The following TRIM2 variants were observed in gnomAD, a reference collection of about 807,000 sequenced individuals.
TRIM2 encodes the protein tripartite motif-containing protein 2.
A neutral mutation model predicts 75.2 loss-of-function variants in TRIM2; 20 were observed. That is an observed-to-expected ratio of 0.27 (90% CI 0.19 to 0.39). The LOEUF (loss-of-function observed/expected upper bound fraction) is 0.39. TRIM2 is among the 10% of genes least tolerant of loss of function. The pLI, the probability that TRIM2 is intolerant of heterozygous loss-of-function variation, is 1.00. For missense variants in TRIM2, 660 were observed against 990.8 expected (o/e 0.67, Z 4.48); for synonymous variants, 373 against 388.3 (o/e 0.96, Z 0.46).
At chr4:153,213,606 C>A (rs940226790) in intron 1 of TRIM2, among the ~76,000 whole-genome samples, 2 of 152,196 alleles carry the variant, frequency 1.3e-5, no homozygotes, top group South Asian at 2.1e-4. Flanking sequence ...TGGCTCACTG[C>A]AACCTCTGCC....
intron 1 of TRIM2, among the ~76,000 whole-genome samples, chr4:153,170,285 C>G (rs1730713463): frequency 6.6e-6 from 1 of 152,150 alleles, no homozygotes; most frequent in African/African-American, 2.4e-5. Flanking sequence ...GTTACCATCT[C>G]TATCACCACT....
chr4:153,164,660 C>T (rs1400285231), intron 1 of TRIM2, among the ~76,000 whole-genome samples: 1 of 152,190 alleles, frequency 6.6e-6, no homozygotes, highest in Non-Finnish European at 1.5e-5. Flanking sequence ...CATATCCTTC[C>T]TGAAATGTCC....
chr4:153,281,712 C>T (rs1471061149), intron 3 of TRIM2, among the ~76,000 whole-genome samples: 4 of 152,224 alleles, frequency 2.6e-5, no homozygotes, highest in Non-Finnish European at 4.4e-5. Context: ...AGTGCTGTGA[C>T]ACTATCTGTC....
At chr4:153,272,883 A>C (rs1757053381) in intron 2 of TRIM2, among the ~76,000 whole-genome samples, 1 of 152,182 alleles carries the variant, frequency 6.6e-6, no homozygotes, top group Non-Finnish European at 1.5e-5. Context: ...CTCTGTCACC[A>C]GGCTGGAGTG....
chr4:153,177,119 C>A (rs773955774), intron 1 of TRIM2, among the ~76,000 whole-genome samples: 9 of 152,228 alleles, frequency 5.9e-5, no homozygotes, highest in Non-Finnish European at 1.0e-4. Flanking sequence ...CAGGAGCTAG[C>A]ATGGCTAAGT....
At chr4:153,245,490 C>T (rs1056927025) in intron 1 of TRIM2, among the ~76,000 whole-genome samples, 5 of 152,158 alleles carry the variant, frequency 3.3e-5, no homozygotes, top group African/African-American at 4.8e-5. Context: ...ATCTGGCCCA[C>T]GGCCTGTTTT....
intron 1 of TRIM2, among the ~76,000 whole-genome samples, chr4:153,246,769 C>T (rs749498658): frequency 7.9e-5 from 12 of 152,162 alleles, no homozygotes; most frequent in Non-Finnish European, 1.2e-4. Flanking sequence ...TGGCACTGGG[C>T]TCACCCTGAC....
chr4:153,252,853 G>C (rs1751195493), intron 1 of TRIM2, among the ~76,000 whole-genome samples: 1 of 152,206 alleles, frequency 6.6e-6, no homozygotes, highest in South Asian at 2.1e-4. Context: ...ATGAAGAATT[G>C]CCTATCCATA....
intron 1 of TRIM2, among the ~76,000 whole-genome samples, chr4:153,159,279 T>C (rs992506481): frequency 6.0e-5 from 9 of 150,992 alleles, no homozygotes; most frequent in South Asian, 4.2e-4. Context: ...TAGAAGTTCA[T>C]TGAGTTTTTA....
At chr4:153,210,471 C>G (rs1736679987) in intron 1 of TRIM2, among the ~76,000 whole-genome samples, 3 of 152,130 alleles carry the variant, frequency 2.0e-5, no homozygotes, top group Admixed American at 6.5e-5. Flanking sequence ...TTTCATGGGT[C>G]CCCAAATGTT....
chr4:153,301,562 C>T (rs1763930896), intron 6 of TRIM2, among the ~76,000 whole-genome samples: 1 of 152,146 alleles, frequency 6.6e-6, no homozygotes, highest in African/African-American at 2.4e-5. Context: ...AAAATCGTTG[C>T]CCAGAACAGT....
chr4:153,249,111 C>T (rs1296206829), intron 1 of TRIM2, among the ~76,000 whole-genome samples: 1 of 152,282 alleles, frequency 6.6e-6, no homozygotes, highest in African/African-American at 2.4e-5. Flanking sequence ...CTCTTCCCCA[C>T]ATCGCCACCA....
chr4:153,258,160 C>G (rs988202463), intron 1 of TRIM2, among the ~76,000 whole-genome samples: 1 of 152,094 alleles, frequency 6.6e-6, no homozygotes, highest in African/African-American at 2.4e-5. Flanking sequence ...CGACCCTCCC[C>G]CCACTCTGTC....
At chr4:153,232,964 C>G (rs574346435) in intron 1 of TRIM2, among the ~76,000 whole-genome samples, 2 of 152,148 alleles carry the variant, frequency 1.3e-5, no homozygotes, top group Non-Finnish European at 2.9e-5. Flanking sequence ...GGAGCTGTCC[C>G]CTGGGCCACT....
chr4:153,177,036 A>C (rs1291183334), intron 1 of TRIM2, among the ~76,000 whole-genome samples: 1 of 152,238 alleles, frequency 6.6e-6, no homozygotes, highest in East Asian at 1.9e-4. Context: ...TGAGCAGTCT[A>C]GTTCATAAAG....
At chr4:153,252,057 C>T (rs984504124) in intron 1 of TRIM2, among the ~76,000 whole-genome samples, 2 of 152,154 alleles carry the variant, frequency 1.3e-5, no homozygotes, top group African/African-American at 4.8e-5. Context: ...AACACCAGAA[C>T]TTATTCCTTC....
upstream of TRIM2, chr4:153,204,419 T>G (rs1238605593): frequency 3.1e-6 from 4 of 1,294,056 alleles, no homozygotes; most frequent in African/African-American, 5.9e-5. Flanking sequence ...TGTTTATATT[T>G]TAGTAAGGGC....
intron 1 of TRIM2, among the ~76,000 whole-genome samples, chr4:153,188,031 GAGAA>G (rs1239255845): frequency 1.3e-5 from 2 of 152,206 alleles, no homozygotes; most frequent in African/African-American, 4.8e-5. Flanking sequence ...CTAGAAGAAA[GAGAA>G]AGAAGCAGCC....
At chr4:153,286,921 T>C (rs747271440) in intron 3 of TRIM2, among the ~76,000 whole-genome samples, 9 of 152,178 alleles carry the variant, frequency 5.9e-5, no homozygotes, top group Non-Finnish European at 1.0e-4. Flanking sequence ...CCCTTTTGGT[T>C]ACAGTTTGCA....
Sources: allele counts gnomAD v4.1 joint callset (sites outside exome capture counted in the v4.1 genomes callset), GRCh38; gene constraint gnomAD v4.1.1; transcripts MANE v1.5; gene names NCBI Gene and HGNC (gene_info 2026-07-23, HGNC 2026-07-21).